The following CSMD1 variants were observed in gnomAD, a reference collection of about 807,000 sequenced individuals.
The protein encoded by CSMD1 is CUB and Sushi multiple domains 1.
In CSMD1, 213 loss-of-function variants were observed where a neutral mutation model predicts 417.5. The observed-to-expected ratio is 0.51, with a 90% confidence interval of 0.46 to 0.57. The LOEUF is 0.57. CSMD1 is among the 20% of genes least tolerant of loss of function. The pLI, the probability that CSMD1 is intolerant of heterozygous loss-of-function variation, is 0.00. For synonymous variants in CSMD1, 2,862 were observed against 1,736.8 expected, an observed-to-expected ratio of 1.65 and a Z score of -16.11; for missense variants, 6,923 against 4,529.7, an observed-to-expected ratio of 1.53 and a Z score of -15.17.
chr8:2,962,042 T>C (rs544972578), intron 61 of CSMD1, among the ~76,000 whole-genome samples: 1 of 152,328 alleles, frequency 6.6e-6, no homozygotes, highest in South Asian at 2.1e-4. Flanking sequence ...CCCATTATTC[T>C]GCTTAGTAAA....
At position 3,316,888 on chromosome 8, in the gene CSMD1, A is replaced by G. The variant is rs557884997; in HGVS notation, c.3632-8385T>C. Among the ~76,000 whole-genome samples the G allele has an allele frequency of 3.3e-5, 5 of 152,296 alleles. No individual in the cohort carries two copies. In the South Asian group the frequency reaches 1.0e-3, roughly 32 times the overall value. Reference sequence around the variant, plus strand: ...ATCAGAAGCAATGTGCAATATGGACATGGGTGAGAAGAAAGAAAGGACAAG... The same window carrying G: ...ATCAGAAGCAATGTGCAATATGGACGTGGGTGAGAAGAAAGAAAGGACAAG... On this transcript the variant is annotated intron_variant, in intron 23 of 69. Transcript: ENST00000635120.
At chr8:4,622,319 C>T (rs189865898) in intron 2 of CSMD1, among the ~76,000 whole-genome samples, 4 of 152,110 alleles carry the variant, frequency 2.6e-5, no homozygotes, top group South Asian at 2.1e-4. Context: ...AGTGGCCCAC[C>T]GGGCAGCAAA....
intron 5 of CSMD1, among the ~76,000 whole-genome samples, chr8:3,838,685 T>A (rs1349031098): frequency 1.3e-5 from 1 of 75,674 alleles, no homozygotes; most frequent in South Asian, 3.4e-4. Context: ...TTATATAGTA[T>A]AATATATAAT....
intron 3 of CSMD1, among the ~76,000 whole-genome samples, chr8:4,062,263 G>A (rs545745289): frequency 1.3e-5 from 2 of 152,196 alleles, no homozygotes; most frequent in South Asian, 2.1e-4. Context: ...TGTCATAAAT[G>A]CTGCAATAAA....
chr8:3,699,367 A>T (rs527580186), intron 7 of CSMD1, among the ~76,000 whole-genome samples: 5 of 152,324 alleles, frequency 3.3e-5, no homozygotes, highest in African/African-American at 1.2e-4. Flanking sequence ...TTATTTAATT[A>T]TTTGTGCTTT....
At chr8:4,537,178 A>G (rs2130494261) in intron 2 of CSMD1, among the ~76,000 whole-genome samples, 1 of 152,336 alleles carries the variant, frequency 6.6e-6, no homozygotes, top group East Asian at 1.9e-4. Context: ...TCATGAGACT[A>G]CTATTTATAT....
chr8:3,857,598 T>C (rs936247522), intron 5 of CSMD1, among the ~76,000 whole-genome samples: 1 of 151,804 alleles, frequency 6.6e-6, no homozygotes, highest in Non-Finnish European at 1.5e-5. Flanking sequence ...AGACGTGAGG[T>C]TTGTGGTGGG....
chr8:3,052,345 C>A, intron 50 of CSMD1, 117 bp downstream of exon 50: 1 of 682,180 alleles, frequency 1.5e-6, no homozygotes, highest in Non-Finnish European at 2.4e-6. Context: ...ATGAAAGACA[C>A]CAAATCCTCA....
intron 3 of CSMD1, among the ~76,000 whole-genome samples, chr8:4,035,645 C>G (rs1797577318): frequency 6.6e-6 from 1 of 152,104 alleles, no homozygotes; most frequent in Admixed American, 6.5e-5. Flanking sequence ...TTTAAATAGA[C>G]AAACTCTTAT....
intron 1 of CSMD1, among the ~76,000 whole-genome samples, chr8:4,854,671 G>A (rs1048215929): frequency 7.9e-5 from 12 of 152,088 alleles, no homozygotes; most frequent in Non-Finnish European, 1.3e-4. Flanking sequence ...CTGGAAAATC[G>A]GGTCACTCCC....
Position 4,544,293 on chromosome 8 carries a change from G to C in CSMD1, c.302+93049C>G, listed in dbSNP as rs1335240661. Reference sequence around the variant, plus strand: ...AGCCATTTTTAGTTACTGTTTGTAAGAGGTCTATTGTCAATATCTAAATTT... The same window carrying C: ...AGCCATTTTTAGTTACTGTTTGTAACAGGTCTATTGTCAATATCTAAATTT... On this transcript the variant is annotated intron_variant, in intron 2 of 69. Coordinates refer to ENST00000635120, the MANE Select transcript of CSMD1 (RefSeq NM_033225.6). Among the ~76,000 whole-genome samples, 5 of 152,088 alleles carry C rather than the reference G, an allele frequency of 3.3e-5. No individual in the cohort carries two copies. In the South Asian group the frequency reaches 6.2e-4, roughly 19 times the overall value.
At chr8:4,688,381 G>C (rs550180698) in intron 1 of CSMD1, among the ~76,000 whole-genome samples, 1 of 152,282 alleles carries the variant, frequency 6.6e-6, no homozygotes, top group South Asian at 2.1e-4. Flanking sequence ...CTATCAGGTT[G>C]AGCGTGGCCT....
intron 5 of CSMD1, among the ~76,000 whole-genome samples, chr8:3,812,432 G>A (rs1248838506): frequency 6.6e-6 from 1 of 152,058 alleles, no homozygotes; most frequent in Non-Finnish European, 1.5e-5. Flanking sequence ...TAATTAAAGT[G>A]CTCACAATGA....
intron 5 of CSMD1, among the ~76,000 whole-genome samples, chr8:3,947,444 G>A (rs1022544270): frequency 6.6e-6 from 1 of 152,008 alleles, no homozygotes; most frequent in Admixed American, 6.6e-5. Flanking sequence ...ATTTTTAAAA[G>A]GTTTTTTCTG....
At chr8:4,005,014 T>A (rs1815997281) in intron 4 of CSMD1, among the ~76,000 whole-genome samples, 1 of 152,156 alleles carries the variant, frequency 6.6e-6, no homozygotes, top group Admixed American at 6.5e-5. Context: ...TAGTGACTCT[T>A]ATTCTAAGTG....
chr8:4,571,200 C>A (rs1474642270), intron 2 of CSMD1, among the ~76,000 whole-genome samples: 2 of 152,062 alleles, frequency 1.3e-5, no homozygotes, highest in Admixed American at 6.6e-5. Flanking sequence ...AATTTGTTTG[C>A]TCTTGCTTCT....
chr8:4,923,118 C>G (rs1228120986), intron 1 of CSMD1, among the ~76,000 whole-genome samples: 1 of 152,148 alleles, frequency 6.6e-6, no homozygotes, highest in African/African-American at 2.4e-5. Context: ...ATTATACTAG[C>G]ATGGAATTAG....
intron 50 of CSMD1, among the ~76,000 whole-genome samples, chr8:3,034,920 G>A (rs1036886536): frequency 5.3e-5 from 8 of 152,140 alleles, no homozygotes; most frequent in Non-Finnish European, 8.8e-5. Flanking sequence ...TGAGCCAGCG[G>A]CACTGTGGAG....
intron 1 of CSMD1, among the ~76,000 whole-genome samples, chr8:4,678,415 A>AT (rs1805830993): frequency 6.6e-6 from 1 of 150,526 alleles, no homozygotes; most frequent in Non-Finnish European, 1.5e-5. Flanking sequence ...TGTCTCAACA[A>AT]CAAAAAAAAA....
Sources: gnomAD v4.1 joint callset for allele counts (sites outside exome capture counted in the v4.1 genomes callset) on GRCh38, gnomAD v4.1.1 for gene constraint, MANE v1.5 for transcripts, NCBI Gene and HGNC (gene_info 2026-07-23, HGNC 2026-07-21) for gene names.